The following OTUD7B variants were observed in gnomAD, a reference collection of about 807,000 sequenced individuals.
OTUD7B encodes OTU deubiquitinase 7B, also known as OTU domain-containing protein 7B.
Under a neutral mutation model 82.2 loss-of-function variants are expected in OTUD7B, and 34 were observed. The observed-to-expected ratio is 0.41, with a 90% CI of 0.31 to 0.55. OTUD7B has a LOEUF of 0.55. Among genes scored for constraint, OTUD7B ranks in the 20% least tolerant of loss-of-function variants. The probability of loss-of-function intolerance (pLI) is 0.20; values close to 1 mark genes in which losing one functional copy is unlikely to be tolerated. For synonymous variants in OTUD7B, 398 were observed against 402.7 expected (o/e 0.99, Z 0.14); for missense variants, 944 against 1,062.1 (o/e 0.89, Z 1.55).
In OTUD7B at chr1:149,942,014, T is replaced by G. The variant is rs1168281662; in HGVS notation, c.*1843A>C. Reference sequence around the variant, plus strand: ...TTTGGAAAATAGGTGACTTCTGAGTTTGTTGAGGAGAAAATAACCTTTATA... The same window carrying G: ...TTTGGAAAATAGGTGACTTCTGAGTGTGTTGAGGAGAAAATAACCTTTATA... On this transcript the variant is annotated 3_prime_UTR_variant, in exon 12 of 12. Transcript: ENST00000581312. 6.6e-6 allele frequency: 1 copy of G among 152,340 alleles called. No homozygotes were observed. The highest frequency in any genetic ancestry group is 1.5e-5 in the Non-Finnish European group (1 of 68,034). 9.4% of individuals were successfully genotyped at this position (152,340 alleles called of 1,614,324 possible).
At chr1:149,996,838 C>T (rs587694969) in intron 1 of OTUD7B, among the ~76,000 whole-genome samples, 2 of 152,102 alleles carry the variant, frequency 1.3e-5, no homozygotes, top group Admixed American at 6.5e-5. Flanking sequence ...GCTGTGGCCA[C>T]GAATAAGATA....
chr1:150,042,715 G>A, the OTUD7B span, among the ~76,000 whole-genome samples: 1 of 152,010 alleles, frequency 6.6e-6, no homozygotes, highest in Non-Finnish European at 1.5e-5. Flanking sequence ...TTCCCACTTA[G>A]CTGAGGCCCT....
intron 2 of OTUD7B, among the ~76,000 whole-genome samples, chr1:149,972,653 G>C (rs1326166645): frequency 6.6e-6 from 1 of 152,166 alleles, no homozygotes; most frequent in Non-Finnish European, 1.5e-5. Context: ...TCTCCTGCTA[G>C]AACATGAAGG....
At chr1:150,014,241 T>TAA (rs587715026), upstream of OTUD7B, among the ~76,000 whole-genome samples, 3,604 of 144,300 alleles carry the variant, frequency 0.025, 157 homozygotes, top group African/African-American at 0.088. Context: ...TCTACAAAAA[T>TAA]AAAAAAAAAT....
At position 149,943,549 on chromosome 1, in the gene OTUD7B, T is replaced by A; in HGVS notation, c.*308A>T. Reference sequence around the variant, plus strand: ...CACACACCAAACCTTCCCCTGCTACTTTCTCTTAGGTCCCTGGATGGGACC... The same window carrying A: ...CACACACCAAACCTTCCCCTGCTACATTCTCTTAGGTCCCTGGATGGGACC... On this transcript the variant is annotated 3_prime_UTR_variant, in exon 12 of 12. Transcript: ENST00000581312. 7 of 244,158 alleles carry A rather than the reference T, an allele frequency of 2.9e-5. No individual in the cohort carries two copies. Among genetic ancestry groups the A allele is most frequent in the Non-Finnish European group, 5.6e-5 (7 of 125,708 alleles). The allele number at this position is 244,158 out of a possible 1,614,324, so 15.1% of individuals were successfully genotyped here. A position where few individuals can be genotyped will look rare whatever the true frequency, so the allele number is the denominator to read the frequency against.
At chr1:149,963,814 C>T (rs918205034) in intron 6 of OTUD7B, 2 of 163,544 alleles carry the variant, frequency 1.2e-5, no homozygotes, top group Admixed American at 1.2e-4. Context: ...TATATATGTC[C>T]TAAAAGATTT....
chr1:149,964,083 A>G, intron 6 of OTUD7B, 139 bp downstream of exon 6: 3 of 970,006 alleles, frequency 3.1e-6, no homozygotes, highest in Non-Finnish European at 4.6e-6. Flanking sequence ...TGTTAACTGC[A>G]TTTTCTCCAA....
rs182679800 is a variant in OTUD7B at position 149,952,614 on chromosome 1, G to C, written c.846-2393C>G. 4.9e-3 allele frequency among the ~76,000 whole-genome samples: 740 copies of C among 152,334 alleles called. 4 individuals are homozygous for C. The highest frequency in any genetic ancestry group is 0.017 in the African/African-American group (712 of 41,562). On this transcript the variant is annotated intron_variant, in intron 7 of 11. Transcript: ENST00000581312. ...GGGATTTCTAGTTCTAGAACCTTGA[G>C]GAATCGCCACACTGTCTTCCACAAT...
chr1:150,060,692 G>A, the OTUD7B span, among the ~76,000 whole-genome samples: 3 of 152,110 alleles, frequency 2.0e-5, no homozygotes, highest in African/African-American at 7.2e-5. Flanking sequence ...CTTTCCACCA[G>A]TAAAGTCAGA....
the OTUD7B span, among the ~76,000 whole-genome samples, chr1:150,030,043 C>T: frequency 6.6e-6 from 1 of 152,332 alleles, no homozygotes; most frequent in East Asian, 1.9e-4. Flanking sequence ...AAACTGATTT[C>T]TCTGCTACTG....
In OTUD7B at chr1:149,974,178, G is replaced by A. The variant is rs376023440; in HGVS notation, c.86-2927C>T. Among the ~76,000 whole-genome samples the A allele has an allele frequency of 2.0e-5, 3 of 152,082 alleles. No individual in the cohort carries two copies. In the South Asian group the frequency reaches 6.2e-4, roughly 32 times the overall value. On this transcript the variant is annotated intron_variant, in intron 2 of 11. Coordinates refer to ENST00000581312, the MANE Select transcript of OTUD7B (RefSeq NM_020205.4). ...CCTCCTGGGTTCAGGCGATTCTCAC[G>A]CTTCAACCTCCTGAGTAGCTGGGAT... is the stretch of plus-strand genomic sequence containing the variant.
chr1:150,022,323 G>A, the OTUD7B span, among the ~76,000 whole-genome samples: 2 of 150,700 alleles, frequency 1.3e-5, no homozygotes, highest in Non-Finnish European at 2.9e-5. Flanking sequence ...GCTTGAAACC[G>A]GGAGGCAGAG....
chr1:150,056,111 G>A, the OTUD7B span, among the ~76,000 whole-genome samples: 1 of 151,960 alleles, frequency 6.6e-6, no homozygotes, highest in Non-Finnish European at 1.5e-5. Context: ...GAAATTTAAG[G>A]AGTTACAGGA....
chr1:149,992,905 C>T lies in OTUD7B; in HGVS notation c.-66-15329G>A, dbSNP rs1461960292. 3.9e-5 allele frequency among the ~76,000 whole-genome samples: 6 copies of T among 152,168 alleles called. No homozygotes were observed. In the South Asian group the frequency reaches 8.3e-4, roughly 21 times the overall value. The stretch of plus-strand genomic sequence containing the variant: ...GTGGCTCACGCCTGTAATCCCAACA[C>T]TCTGGGAGGCTAAGATGGGTGGATC... On this transcript the variant is annotated intron_variant, in intron 1 of 11. Transcript: ENST00000581312.
At position 149,944,612 on chromosome 1, in the gene OTUD7B, T is replaced by A; in HGVS notation, c.1777A>T (p.Met593Leu). 1 of 1,614,102 alleles carries A rather than the reference T, an allele frequency of 6.2e-7. No individual in the cohort carries two copies. Among genetic ancestry groups the A allele is most frequent in the Non-Finnish European group, 8.5e-7 (1 of 1,180,024 alleles). ...NGGSKYSQEVMQSLSILRTAM... is the reference protein window; with the variant it reads ...NGGSKYSQEVLQSLSILRTAM... ...GTCCTCAGAATGCTCAGGCTCTGCA[T>A]CACCTCCTGGCTATACTTGCTCCCT... is the stretch of plus-strand genomic sequence containing the variant. The change falls in exon 12 of 12, where the codon ATG becomes TTG. Residue 593 changes from methionine (M) to leucine (L), a missense_variant. Physicochemically the swap from Met to Leu is conservative, Grantham distance 15. This residue lies in a region of OTUD7B where 412 missense variants were observed against 418.7 expected (regional missense o/e 0.98). Coordinates refer to ENST00000581312, the MANE Select transcript of OTUD7B (RefSeq NM_020205.4).
chr1:149,959,613 A>T, intron 7 of OTUD7B, 71 bp downstream of exon 7: 1 of 901,146 alleles, frequency 1.1e-6, no homozygotes, highest in Non-Finnish European at 1.9e-6. Flanking sequence ...AGAGCTCTCT[A>T]GACACTGGGC....
chr1:150,022,909 C>A, the OTUD7B span, among the ~76,000 whole-genome samples: 25 of 152,344 alleles, frequency 1.6e-4, no homozygotes, highest in South Asian at 4.8e-3. Flanking sequence ...ACCACAGCAA[C>A]AAACAGCATT....
In OTUD7B at chr1:149,971,237, C is replaced by T. The variant is rs782688020; in HGVS notation, c.100G>A (p.Val34Met). Residue 34 changes from valine to methionine, a missense_variant, in exon 3 of 12, where the codon GTG becomes ATG. By Grantham distance (21) the Val-to-Met change is conservative. Around this residue, in one of 3 missense-constraint regions of OTUD7B, gnomAD observed 530 missense variants for 625.6 expected, o/e 0.85. Transcript: ENST00000581312. Reference protein sequence around the residue: ...RDLLEGKNWDVNAALSDFEQL... With the variant: ...RDLLEGKNWDMNAALSDFEQL... ...TCAAAATCACTGAGGGCGGCATTCACATCCCAATTCTTTCCTGTCAGGAGA... is the reference window on the plus strand; with the variant it reads ...TCAAAATCACTGAGGGCGGCATTCATATCCCAATTCTTTCCTGTCAGGAGA... 1 of 1,606,966 alleles carries T rather than the reference C, an allele frequency of 6.2e-7. No homozygotes were observed. Among genetic ancestry groups the T allele is most frequent in the Admixed American group, 1.7e-5 (1 of 59,816 alleles).
At chr1:150,066,905 G>C in the OTUD7B span, 2 of 152,250 alleles carry the variant, frequency 1.3e-5, no homozygotes, top group Non-Finnish European at 2.9e-5. This position sits in a 1 kb window ranked among gnomAD's most constrained non-coding sequence, Gnocchi z 4.6. Context: ...CCCCACGCTA[G>C]TTTTAGTTCT....
Sources: gnomAD v4.1 joint callset for allele counts (sites outside exome capture counted in the v4.1 genomes callset) on GRCh38, gnomAD v4.1.1 for gene constraint, gnomAD v4.1.1 regional missense constraint, Gnocchi (gnomAD v3.1) non-coding constraint, MANE v1.5 for transcripts, NCBI Gene and HGNC (gene_info 2026-07-23, HGNC 2026-07-21) for gene names.